RNF38: variants seen among roughly 807,000 people sequenced by gnomAD.
The protein encoded by RNF38 is E3 ubiquitin-protein ligase RNF38.
Under a neutral mutation model 67.2 loss-of-function variants are expected in RNF38, and 15 were observed. The observed-to-expected ratio is 0.22, with a 90% CI of 0.15 to 0.34. The LOEUF (loss-of-function observed/expected upper bound fraction) is 0.34, where lower values mean the gene tolerates loss of function less well. Among genes scored for constraint, RNF38 ranks in the 10% least tolerant of loss-of-function variants. The pLI is 1.00. For missense variants in RNF38, 524 were observed against 639.9 expected, an observed-to-expected ratio of 0.82 and a Z score of 1.95; for synonymous variants, 220 against 218.8, an observed-to-expected ratio of 1.01 and a Z score of -0.05.
chr9:36,392,490 C>T (rs1447907740), intron 1 of RNF38, among the ~76,000 whole-genome samples: 1 of 152,092 alleles, frequency 6.6e-6, no homozygotes, highest in Non-Finnish European at 1.5e-5. Flanking sequence ...TAATCTCAAC[C>T]CTTTGGGAGG....
At chr9:36,429,305 C>G (rs1005072357) in intron 1 of RNF38, among the ~76,000 whole-genome samples, 1 of 152,192 alleles carries the variant, frequency 6.6e-6, no homozygotes, top group African/African-American at 2.4e-5. Context: ...GGCATTCCCT[C>G]CAGTATTGAA....
At chr9:36,475,666 T>C (rs1212232567) in intron 1 of RNF38, among the ~76,000 whole-genome samples, 1 of 149,756 alleles carries the variant, frequency 6.7e-6, no homozygotes, top group East Asian at 2.1e-4. Context: ...CCTCAAATCA[T>C]TATTTTTTAG....
At chr9:36,421,245 TA>T (rs1363571857) in intron 2 of RNF38, among the ~76,000 whole-genome samples, 2 of 152,250 alleles carry the variant, frequency 1.3e-5, no homozygotes, top group Non-Finnish European at 2.9e-5. Context: ...TCAGAATACC[TA>T]AGCAAATATT....
At chr9:36,400,022 G>A (rs1279346594) in intron 1 of RNF38, 75 bp downstream of exon 1, 4 of 1,300,306 alleles carry the variant, frequency 3.1e-6, no homozygotes, top group East Asian at 2.3e-5. Flanking sequence ...TTCTACTTAC[G>A]GTAGAATTAG....
intron 1 of RNF38, among the ~76,000 whole-genome samples, chr9:36,460,056 TAA>T (rs1839691045): frequency 6.6e-6 from 1 of 152,098 alleles, no homozygotes; most frequent in South Asian, 2.1e-4. Context: ...TCTTAATATC[TAA>T]AAACCCTACT....
At chr9:36,397,071 A>ATGTGTG (rs143606597) in intron 1 of RNF38, among the ~76,000 whole-genome samples, 1 of 140,140 alleles carries the variant, frequency 7.1e-6, no homozygotes, top group South Asian at 2.1e-4. Flanking sequence ...ACGTATATAT[A>ATGTGTG]TGTGTGTGTG....
At chr9:36,350,014 CACCATGTTG>C (rs1159088390) in intron 9 of RNF38, among the ~76,000 whole-genome samples, 1 of 152,078 alleles carries the variant, frequency 6.6e-6, no homozygotes, top group Non-Finnish European at 1.5e-5. Context: ...AACGGGGTTT[CACCATGTTG>C]GCCAGGCTGG....
chr9:36,347,872 C>T (rs538353747), intron 9 of RNF38, among the ~76,000 whole-genome samples: 4 of 151,552 alleles, frequency 2.6e-5, no homozygotes, highest in Non-Finnish European at 5.9e-5. Flanking sequence ...ATCAGGAGAT[C>T]GAGACCATCC....
intron 1 of RNF38, among the ~76,000 whole-genome samples, chr9:36,461,718 T>C (rs1753235489): frequency 6.6e-6 from 1 of 152,132 alleles, no homozygotes; most frequent in Middle Eastern, 3.4e-3. Flanking sequence ...GACAAGAATG[T>C]GGTGGGGAGT....
chr9:36,366,844 G>C (rs952990070), intron 4 of RNF38, among the ~76,000 whole-genome samples: 14 of 152,050 alleles, frequency 9.2e-5, no homozygotes, highest in African/African-American at 3.1e-4. Context: ...TTTATTGCTC[G>C]CTGTTCTTGA....
chr9:36,372,715 G>A (rs1835479843), intron 3 of RNF38: 4 of 464,950 alleles, frequency 8.6e-6, no homozygotes, highest in African/African-American at 2.0e-5. Flanking sequence ...TGCTATGAAC[G>A]AGGACCATGA....
At chr9:36,450,381 C>G (rs1839408393) in intron 1 of RNF38, among the ~76,000 whole-genome samples, 2 of 152,108 alleles carry the variant, frequency 1.3e-5, no homozygotes, top group Admixed American at 6.6e-5. Flanking sequence ...AGGCAGGGAA[C>G]CACTAGTACT....
intron 1 of RNF38, among the ~76,000 whole-genome samples, chr9:36,474,173 C>T (rs374236927): frequency 2.0e-5 from 3 of 151,066 alleles, no homozygotes; most frequent in Non-Finnish European, 4.4e-5. Flanking sequence ...ATTAGCCGGG[C>T]GTGGTGGCGG....
intron 1 of RNF38, among the ~76,000 whole-genome samples, chr9:36,440,387 C>T (rs375191854): frequency 1.3e-5 from 2 of 151,968 alleles, no homozygotes; most frequent in Non-Finnish European, 2.9e-5. Flanking sequence ...CAAAATTAAC[C>T]GCGTGTGGTG....
chr9:36,356,440 C>A lies in RNF38; in HGVS notation c.772G>T (p.Val258Leu). The change falls in exon 6 of 12, where the codon GTA becomes TTA. Residue 258 changes from valine (V) to leucine (L), a missense_variant. Coordinates refer to ENST00000259605, the MANE Select transcript of RNF38 (RefSeq NM_022781.5). ...LQACSVQHLP[V>L]PYAAFPPLIS... ...AGGGGTGGGAATGCAGCATATGGTACTGGTAAGTGCTGAACTGAACATGCC... is the reference window on the plus strand; with the variant it reads ...AGGGGTGGGAATGCAGCATATGGTAATGGTAAGTGCTGAACTGAACATGCC... 1 of 1,612,408 alleles carries A rather than the reference C, an allele frequency of 6.2e-7. No homozygotes were observed. Among genetic ancestry groups the A allele is most frequent in the Non-Finnish European group, 8.5e-7 (1 of 1,179,242 alleles).
intron 1 of RNF38, among the ~76,000 whole-genome samples, chr9:36,462,803 T>C (rs1839765037): frequency 6.6e-6 from 1 of 151,614 alleles, no homozygotes; most frequent in South Asian, 2.1e-4. Flanking sequence ...GCCTCCCGAG[T>C]AGCTAGGACT....
chr9:36,401,221 G>GGCTGC, upstream of RNF38: 4 of 980,692 alleles, frequency 4.1e-6, no homozygotes, highest in East Asian at 1.2e-4. Flanking sequence ...GGCGGGGCGG[G>GGCTGC]GCTGCGCGCG....
At chr9:36,356,235 A>C (rs1371910133) in intron 6 of RNF38, 68 bp downstream of exon 6, 1 of 1,496,890 alleles carries the variant, frequency 6.7e-7, no homozygotes, top group Non-Finnish European at 9.1e-7. Flanking sequence ...TACCTGGCCT[A>C]AACATTCTGA....
chr9:36,408,894 GT>G (rs1355393331), intron 2 of RNF38, among the ~76,000 whole-genome samples: 2 of 152,164 alleles, frequency 1.3e-5, no homozygotes, highest in Non-Finnish European at 2.9e-5. Flanking sequence ...AATAAATGAT[GT>G]TATGCACATG....
Sources: gnomAD v4.1 joint callset for allele counts (sites outside exome capture counted in the v4.1 genomes callset) on GRCh38, gnomAD v4.1.1 for gene constraint, MANE v1.5 for transcripts, NCBI Gene and HGNC (gene_info 2026-07-23, HGNC 2026-07-21) for gene names.